The following RAI14 variants were observed in gnomAD, a reference collection of about 807,000 sequenced individuals.
RAI14 encodes ankycorbin.
RAI14 carries 45 observed loss-of-function variants against 115.4 expected under a neutral mutation model. That is an observed-to-expected ratio of 0.39 (90% CI 0.31 to 0.50). The LOEUF is 0.50. Ranked by LOEUF, RAI14 falls within the 20% of genes least tolerant of loss-of-function variation. The pLI, the probability that RAI14 is intolerant of heterozygous loss-of-function variation, is 0.85. For missense variants in RAI14, 939 were observed against 1,131.2 expected, an observed-to-expected ratio of 0.83 and a Z score of 2.44; for synonymous variants, 371 against 415.4, an observed-to-expected ratio of 0.89 and a Z score of 1.30.
At chr5:34,703,856 C>T (rs1259061069) in intron 2 of RAI14, among the ~76,000 whole-genome samples, 1 of 152,182 alleles carries the variant, frequency 6.6e-6, no homozygotes, top group African/African-American at 2.4e-5. Context: ...ATACAAGCCT[C>T]GTAAATTGCC....
intron 12 of RAI14, among the ~76,000 whole-genome samples, chr5:34,815,957 G>A (rs1216356548): frequency 2.6e-5 from 4 of 152,170 alleles, no homozygotes; most frequent in Non-Finnish European, 5.9e-5. Flanking sequence ...AAAATAAGGT[G>A]TGGAAGTTAC....
chr5:34,699,649 CAT>C (rs1739790135), intron 2 of RAI14, among the ~76,000 whole-genome samples: 1 of 152,150 alleles, frequency 6.6e-6, no homozygotes, highest in South Asian at 2.1e-4. Context: ...AGGGCTTCAA[CAT>C]ATGGATTTTG....
chr5:34,773,826 G>GT (rs1750494570), intron 3 of RAI14, among the ~76,000 whole-genome samples: 1 of 152,124 alleles, frequency 6.6e-6, no homozygotes, highest in Non-Finnish European at 1.5e-5. Context: ...TTAAACTACT[G>GT]TGAAAAATAA....
Position 34,814,622 on chromosome 5 carries a change from C to T in RAI14, c.892C>T (p.Pro298Ser). 2 of 1,613,640 alleles carry T rather than the reference C, an allele frequency of 1.2e-6. No individual in the cohort carries two copies. The highest frequency in any genetic ancestry group is 8.5e-7 in the Non-Finnish European group (1 of 1,179,670). The change falls in exon 12 of 18, where the codon CCA (proline) becomes TCA (serine). Residue 298 changes from proline (P) to serine (S), a missense_variant. Pro to Ser is a moderately conservative substitution (Grantham distance 74). Coordinates refer to ENST00000265109, the MANE Select transcript of RAI14 (RefSeq NM_015577.3). ...TTCCCCAAGATCAATAACTTCGACT[C>T]CACTATCGGGAAAGGAATCGGTATT... ...VSSPRSITST[P>S]LSGKESVFFA...
At chr5:34,695,803 C>CTTTTTTTTTTTTTTTTTTTTTTTTTTTTT (rs376091071) in intron 2 of RAI14, among the ~76,000 whole-genome samples, 2 of 128,966 alleles carry the variant, frequency 1.6e-5, no homozygotes, top group Non-Finnish European at 3.2e-5. Context: ...AAGCACTTTC[C>CTTTTTTTTTTTTTTTTTTTTTTTTTTTTT]TTTTTTTTTT....
chr5:34,700,288 C>G (rs1739902512), intron 2 of RAI14, among the ~76,000 whole-genome samples: 1 of 152,064 alleles, frequency 6.6e-6, no homozygotes, highest in Admixed American at 6.6e-5. Context: ...GGAGGGCGGA[C>G]TGTTTTGTAA....
chr5:34,677,585 C>T (rs1744081462), intron 1 of RAI14, among the ~76,000 whole-genome samples: 1 of 152,130 alleles, frequency 6.6e-6, no homozygotes, highest in Non-Finnish European at 1.5e-5. Context: ...CCTGGGCCTA[C>T]AGGTGCTCGC....
Position 34,760,485 on chromosome 5 carries a change from A to G in RAI14, c.167+2887A>G, listed in dbSNP as rs139428809. ...CTTTTGGTCTCCCTTTTGAATCACT[A>G]CTCGGCCTTCTTTGTCCCTGTTCTC... On this transcript the variant is annotated intron_variant, in intron 3 of 17. Coordinates refer to ENST00000265109, the MANE Select transcript of RAI14 (RefSeq NM_015577.3). 3.5e-3 allele frequency among the ~76,000 whole-genome samples: 537 copies of G among 152,018 alleles called. 5 individuals carry two copies. The highest frequency in any genetic ancestry group is 0.017 in the Middle Eastern group (5 of 294).
intron 2 of RAI14, among the ~76,000 whole-genome samples, chr5:34,726,990 TG>T (rs1210239306): frequency 1.3e-5 from 2 of 152,136 alleles, no homozygotes; most frequent in Admixed American, 6.5e-5. Flanking sequence ...GGAAGTGACT[TG>T]GGAGCTGGGT....
chr5:34,767,225 A>T (rs1375758245), intron 3 of RAI14, among the ~76,000 whole-genome samples: 2 of 152,206 alleles, frequency 1.3e-5, no homozygotes, highest in Non-Finnish European at 2.9e-5. Flanking sequence ...TTAGACACTT[A>T]AATGGGTAAT....
At chr5:34,794,944 G>A (rs1017787660) in intron 3 of RAI14, among the ~76,000 whole-genome samples, 12 of 151,488 alleles carry the variant, frequency 7.9e-5, no homozygotes, top group Admixed American at 1.3e-4. Context: ...GGGACTTCAT[G>A]AGAGGTATCC....
At chr5:34,683,944 A>G (rs1043251818) in intron 1 of RAI14, among the ~76,000 whole-genome samples, 3 of 152,000 alleles carry the variant, frequency 2.0e-5, no homozygotes, top group Non-Finnish European at 4.4e-5. Flanking sequence ...AGCCAGGATG[A>G]TCTCGATTTC....
At chr5:34,828,280 C>T (rs62355742) in intron 16 of RAI14, among the ~76,000 whole-genome samples, 1 of 152,046 alleles carries the variant, frequency 6.6e-6, no homozygotes, top group Non-Finnish European at 1.5e-5. Flanking sequence ...AGGGCTACAA[C>T]CATGACAGGA....
At chr5:34,781,697 G>A (rs753602945) in intron 3 of RAI14, among the ~76,000 whole-genome samples, 3 of 152,222 alleles carry the variant, frequency 2.0e-5, no homozygotes, top group Non-Finnish European at 4.4e-5. Context: ...TCATCAGAAA[G>A]TTCAACGTAG....
intron 3 of RAI14, among the ~76,000 whole-genome samples, chr5:34,789,361 T>G (rs947714564): frequency 3.9e-5 from 6 of 152,262 alleles, no homozygotes; most frequent in African/African-American, 1.4e-4. Flanking sequence ...AGTATCTTAT[T>G]CAAAGTTGGC....
intron 4 of RAI14, among the ~76,000 whole-genome samples, chr5:34,801,977 T>A (rs1021759932): frequency 6.6e-6 from 1 of 151,996 alleles, no homozygotes; most frequent in Non-Finnish European, 1.5e-5. Flanking sequence ...GGTGGGAGGA[T>A]CACTTGACAT....
intron 8 of RAI14, among the ~76,000 whole-genome samples, chr5:34,811,546 A>G (rs1755576915): frequency 6.6e-6 from 1 of 151,894 alleles, no homozygotes; most frequent in Non-Finnish European, 1.5e-5. Flanking sequence ...GTTGTTTGAC[A>G]AAATGTGGTT....
At position 34,658,491 on chromosome 5, in the gene RAI14, T is replaced by A. The variant is rs1378208077; in HGVS notation, c.-49+2016T>A. On this transcript the variant is annotated intron_variant, in intron 1 of 17. Transcript: ENST00000265109. The stretch of plus-strand genomic sequence containing the variant: ...CCCTTCCTTCTTTCCTTTTTTTTCA[T>A]CCTTTAAAAATAAAAATAAGGGCCA... Among the ~76,000 whole-genome samples the A allele has an allele frequency of 5.9e-5, 9 of 151,990 alleles. No homozygotes were observed. In the East Asian group the frequency reaches 1.7e-3, roughly 29 times the overall value.
chr5:34,739,171 A>G (rs1214411602), intron 2 of RAI14, among the ~76,000 whole-genome samples: 1 of 152,202 alleles, frequency 6.6e-6, no homozygotes, highest in East Asian at 1.9e-4. Context: ...CTGAATGTTT[A>G]CCCTGTGCCA....
Sources: allele counts gnomAD v4.1 joint callset (sites outside exome capture counted in the v4.1 genomes callset), GRCh38; gene constraint gnomAD v4.1.1; transcripts MANE v1.5; gene names NCBI Gene and HGNC (gene_info 2026-07-23, HGNC 2026-07-21).